ABCB10: variants seen among roughly 807,000 people sequenced by gnomAD.
The protein encoded by ABCB10 is ATP-binding cassette sub-family B member 10, mitochondrial.
A neutral mutation model predicts 65.4 loss-of-function variants in ABCB10; 54 were observed. The observed-to-expected ratio is 0.83, with a 90% CI of 0.66 to 1.04. ABCB10 has a LOEUF of 1.04. Among genes scored for constraint, ABCB10 ranks in the 50% least tolerant of loss-of-function variants. ABCB10 has a pLI of 0.00. For synonymous variants in ABCB10, 418 were observed against 406.5 expected (o/e 1.03, Z -0.34); for missense variants, 846 against 976.6 (o/e 0.87, Z 1.78).
Position 229,549,445 on chromosome 1 carries a change from C to T in ABCB10, c.518-11G>A. The T allele has an allele frequency of 6.2e-7, 1 of 1,609,838 alleles. No homozygotes were observed. Among genetic ancestry groups the T allele is most frequent in the Non-Finnish European group, 8.5e-7 (1 of 1,177,728 alleles). Reference sequence around the variant, plus strand: ...GAAATCCAACCGCAGCTAGAAAACACAAGCACTCTCAATGTTCAGGTTGCT... The same window carrying T: ...GAAATCCAACCGCAGCTAGAAAACATAAGCACTCTCAATGTTCAGGTTGCT... On this transcript the variant is annotated splice_polypyrimidine_tract_variant and intron_variant, in intron 1 of 12. Coordinates refer to ENST00000344517, the MANE Select transcript of ABCB10 (RefSeq NM_012089.3).
intron 3 of ABCB10, among the ~76,000 whole-genome samples, chr1:229,544,911 T>C (rs1662933531): frequency 6.6e-6 from 1 of 152,178 alleles, no homozygotes; most frequent in African/African-American, 2.4e-5. Flanking sequence ...TGCTAGCACC[T>C]TGACCCTGGA....
At position 229,558,628 on chromosome 1, in the gene ABCB10, G is replaced by A; in HGVS notation, c.25C>T (p.Leu9=). ...GGGCTCGGTGGCTCGAGCAGCCGCAGCGGCCAGGCAGGGGGGCCTCGCATG... is the reference window on the plus strand; with the variant it reads ...GGGCTCGGTGGCTCGAGCAGCCGCAACGGCCAGGCAGGGGGGCCTCGCATG... MRGPPAWP[L]RLLEPPSPAE... Residue 9 remains leucine, a synonymous_variant, in exon 1 of 13, where the codon CTG becomes TTG. Coordinates refer to ENST00000344517, the MANE Select transcript of ABCB10 (RefSeq NM_012089.3). 7.1e-7 allele frequency: 1 copy of A among 1,405,462 alleles called. No individual in the cohort carries two copies. Among genetic ancestry groups the A allele is most frequent in the African/African-American group, 1.5e-5 (1 of 66,532 alleles). The allele number at this position is 1,405,462 out of a possible 1,614,324, so 87.1% of individuals were successfully genotyped here.
At position 229,519,101 on chromosome 1, in the gene ABCB10, G is replaced by T. The variant is rs1322701753; in HGVS notation, c.1951-226C>A. On this transcript the variant is annotated intron_variant, in intron 11 of 12. Coordinates refer to ENST00000344517, the MANE Select transcript of ABCB10 (RefSeq NM_012089.3). ...CTACAGATGGTGGATATCTGGGGCT[G>T]GGTTCAATGCAGGAAATAAGGAAGG... 6 of 394,568 alleles carry T rather than the reference G, an allele frequency of 1.5e-5. No homozygotes were observed. The East Asian group carries it at 2.5e-4, about 17-fold the overall frequency. The allele number at this position is 394,568 out of a possible 1,614,324, so 24.4% of individuals were successfully genotyped here.
At chr1:229,518,725 G>A (rs1247613536) in intron 12 of ABCB10, 116 bp downstream of exon 12, 1 of 945,480 alleles carries the variant, frequency 1.1e-6, no homozygotes, top group Non-Finnish European at 1.6e-6. Context: ...TTAGAGTAAA[G>A]GGGGGAAAAA....
chr1:229,551,459 C>G (rs1663113978), intron 1 of ABCB10, among the ~76,000 whole-genome samples: 1 of 152,200 alleles, frequency 6.6e-6, no homozygotes, highest in South Asian at 2.1e-4. Flanking sequence ...AGGAGAATCT[C>G]AATCACTATT....
chr1:229,552,638 C>G (rs1265827399), intron 1 of ABCB10, among the ~76,000 whole-genome samples: 1 of 152,188 alleles, frequency 6.6e-6, no homozygotes, highest in Non-Finnish European at 1.5e-5. Context: ...CACCTGCCCA[C>G]TGCTGAACAG....
At chr1:229,518,450 G>C in intron 12 of ABCB10, 40 bp from the exon 13 acceptor site, 15 of 1,552,160 alleles carry the variant, frequency 9.7e-6, no homozygotes, top group Non-Finnish European at 1.3e-5. Context: ...AAAGACGTCA[G>C]TGACACCCAT....
At chr1:229,539,080 G>A (rs1185438456) in intron 6 of ABCB10, among the ~76,000 whole-genome samples, 2 of 152,092 alleles carry the variant, frequency 1.3e-5, no homozygotes, top group Non-Finnish European at 2.9e-5. Flanking sequence ...TGCCAATCAC[G>A]AAACCATGAC....
chr1:229,552,402 GC>G lies in ABCB10; in HGVS notation c.518-2969del, dbSNP rs1446352889. ...TTCTCCATAGTTAAGTCTCTTGCTT[GC>G]CCCCACCCTTGCCTGATGCGGCCCC... On this transcript the variant is annotated intron_variant, in intron 1 of 12. Transcript: ENST00000344517. Among the ~76,000 whole-genome samples the G allele has an allele frequency of 5.3e-5, 8 of 152,218 alleles. No homozygotes were observed. The East Asian group carries it at 1.5e-3, about 29-fold the overall frequency.
chr1:229,541,936 TCATGTACC>T (rs1662857074), intron 4 of ABCB10, among the ~76,000 whole-genome samples: 1 of 142,942 alleles, frequency 7.0e-6, no homozygotes, highest in African/African-American at 2.6e-5. Flanking sequence ...AAAACTTTTC[TCATGTACC>T]TTGTCTCAAA....
intron 5 of ABCB10, among the ~76,000 whole-genome samples, chr1:229,539,803 T>TA (rs1016574613): frequency 5.9e-5 from 9 of 152,210 alleles, no homozygotes; most frequent in African/African-American, 2.2e-4. Context: ...ACCTATAAGC[T>TA]AAGTCTCCCA....
rs763578198 is a variant in ABCB10 at position 229,549,450 on chromosome 1, A to G, written c.518-16T>C. 6 of 1,608,026 alleles carry G rather than the reference A, an allele frequency of 3.7e-6. No homozygotes were observed. The highest frequency in any genetic ancestry group is 8.5e-7 in the Non-Finnish European group (1 of 1,176,914). Reference sequence around the variant, plus strand: ...CCAACCGCAGCTAGAAAACACAAGCACTCTCAATGTTCAGGTTGCTTCAGC... The same window carrying G: ...CCAACCGCAGCTAGAAAACACAAGCGCTCTCAATGTTCAGGTTGCTTCAGC... On this transcript the variant is annotated splice_polypyrimidine_tract_variant and intron_variant, in intron 1 of 12. Coordinates refer to ENST00000344517, the MANE Select transcript of ABCB10 (RefSeq NM_012089.3).
At chr1:229,547,768 C>T (rs1430300353) in intron 2 of ABCB10, 67 bp from the exon 3 acceptor site, 46 of 1,519,280 alleles carry the variant, frequency 3.0e-5, no homozygotes, top group Non-Finnish European at 4.0e-5. Flanking sequence ...GGGGCAGCCA[C>T]TTACTGTGCA....
chr1:229,552,270 G>C (rs1355682264), intron 1 of ABCB10, among the ~76,000 whole-genome samples: 1 of 152,172 alleles, frequency 6.6e-6, no homozygotes, highest in Non-Finnish European at 1.5e-5. Flanking sequence ...ACTGTCTTCT[G>C]ATATTAATGA....
At chr1:229,528,806 G>A (rs1662502617) in intron 8 of ABCB10, among the ~76,000 whole-genome samples, 2 of 151,994 alleles carry the variant, frequency 1.3e-5, no homozygotes, top group African/African-American at 2.4e-5. Context: ...GCAATTACAG[G>A]TGTGGGGCTC....
At chr1:229,533,527 T>C (rs947723740) in intron 6 of ABCB10, among the ~76,000 whole-genome samples, 1 of 152,192 alleles carries the variant, frequency 6.6e-6, no homozygotes, top group African/African-American at 2.4e-5. Flanking sequence ...AAAAATACAA[T>C]TCAAATATTC....
At chr1:229,558,075 G>T in intron 1 of ABCB10, 61 bp downstream of exon 1, 1 of 1,281,308 alleles carries the variant, frequency 7.8e-7, no homozygotes, top group Non-Finnish European at 9.9e-7. Context: ...TCGGCGCCCC[G>T]GGACCCCGCG....
chr1:229,553,169 G>A (rs372636496), intron 1 of ABCB10, among the ~76,000 whole-genome samples: 1 of 151,852 alleles, frequency 6.6e-6, no homozygotes, highest in Non-Finnish European at 1.5e-5. Context: ...CCAGTGCAAT[G>A]GCGCAATCTC....
chr1:229,531,390 G>A (rs1190387900), intron 7 of ABCB10, among the ~76,000 whole-genome samples: 2 of 152,124 alleles, frequency 1.3e-5, no homozygotes, highest in African/African-American at 4.8e-5. Flanking sequence ...GAGGGGAACA[G>A]AGGGCAGCAC....
Sources: gnomAD v4.1 joint callset for allele counts (sites outside exome capture counted in the v4.1 genomes callset) on GRCh38, gnomAD v4.1.1 for gene constraint, MANE v1.5 for transcripts, NCBI Gene and HGNC (gene_info 2026-07-23, HGNC 2026-07-21) for gene names.